The following SYNE3 variants were observed in gnomAD, a reference collection of about 807,000 sequenced individuals.
The protein encoded by SYNE3 is nesprin-3.
SYNE3 carries 100 observed loss-of-function variants against 111.2 expected under a neutral mutation model. That is an observed-to-expected ratio of 0.90 (90% CI 0.77 to 1.06). SYNE3 has a LOEUF of 1.06. Ranked by LOEUF, SYNE3 falls within the 50% of genes least tolerant of loss-of-function variation. The probability of loss-of-function intolerance (pLI) is 0.00; values close to 1 mark genes in which losing one functional copy is unlikely to be tolerated. For missense variants in SYNE3, 1,160 were observed against 1,240.3 expected (o/e 0.94, Z 0.97); for synonymous variants, 547 against 533.9 (o/e 1.02, Z -0.34).
intron 16 of SYNE3, 92 bp from the exon 17 acceptor site, chr14:95,432,209 C>A (rs749107488): frequency 4.1e-6 from 6 of 1,452,398 alleles, no homozygotes; most frequent in South Asian, 1.2e-5. Flanking sequence ...ATGGAATATT[C>A]GTTTTGTCAG....
At chr14:95,489,641 A>C (rs1156670729) in intron 1 of SYNE3, among the ~76,000 whole-genome samples, 1 of 152,236 alleles carries the variant, frequency 6.6e-6, no homozygotes, top group East Asian at 1.9e-4. Context: ...TTTTAGAGAC[A>C]GGGTCTTGCT....
At chr14:95,443,096 TG>T in intron 11 of SYNE3, 58 bp downstream of exon 11, 2 of 1,602,158 alleles carry the variant, frequency 1.2e-6, no homozygotes, top group Non-Finnish European at 1.7e-6. Context: ...GCCCCAGGCG[TG>T]TTGGATGACA....
chr14:95,418,010 C>A lies in SYNE3; in HGVS notation c.2744G>T (p.Gly915Val). 6.2e-7 allele frequency: 1 copy of A among 1,610,574 alleles called. No individual in the cohort carries two copies. Among genetic ancestry groups the A allele is most frequent in the Non-Finnish European group, 8.5e-7 (1 of 1,179,754 alleles). Residue 915 changes from glycine to valine, a missense_variant, in exon 18 of 18, where the codon GGA (glycine) becomes GTA (valine). Gly to Val is a moderately radical substitution (Grantham distance 109). Coordinates refer to ENST00000682763, the MANE Select transcript of SYNE3 (RefSeq NM_152592.6). Reference sequence around the variant, plus strand: ...CGCCCTCCGGAAGAGGGAGCCCAGTCCTCGCCACCGCCGAGTCTGCGGAAC... The same window carrying A: ...CGCCCTCCGGAAGAGGGAGCCCAGTACTCGCCACCGCCGAGTCTGCGGAAC... The part of the protein sequence containing the change: ...TGFQKTRRWR[G>V]LGSLFRRACC...
rs140376969 is a variant in SYNE3 at position 95,446,017 on chromosome 14, G to A, written c.1524C>T (p.Gly508=). Residue 508 remains glycine (G), a synonymous_variant, in exon 9 of 18, where the codon GGC becomes GGT. Transcript: ENST00000682763. ...MLQLKKDLLI[G]IFGQERATAL... is the part of the protein sequence containing the mutation. Reference sequence around the variant, plus strand: ...CCGTGGCTCTCTCCTGGCCAAAGATGCCAATCAGGAGGTCTTTCTTCAGCT... The same window carrying A: ...CCGTGGCTCTCTCCTGGCCAAAGATACCAATCAGGAGGTCTTTCTTCAGCT... 2.4e-4 allele frequency: 389 copies of A among 1,614,044 alleles called. No individual in the cohort carries two copies. The highest frequency in any genetic ancestry group is 8.7e-4 in the Admixed American group (52 of 60,008).
intron 17 of SYNE3, among the ~76,000 whole-genome samples, chr14:95,426,348 AG>A (rs1381717605): frequency 6.6e-6 from 1 of 152,168 alleles, no homozygotes; most frequent in Non-Finnish European, 1.5e-5. Context: ...AGTTGTGACC[AG>A]GGAAGAAGCA....
intron 8 of SYNE3, among the ~76,000 whole-genome samples, chr14:95,447,730 A>G (rs190717639): frequency 2.6e-4 from 40 of 152,244 alleles, no homozygotes; most frequent in African/African-American, 9.1e-4. Flanking sequence ...CAGACACAAT[A>G]TCATGGGAGT....
intron 4 of SYNE3, among the ~76,000 whole-genome samples, chr14:95,463,400 C>G (rs1031302391): frequency 6.6e-6 from 1 of 152,172 alleles, no homozygotes; most frequent in African/African-American, 2.4e-5. Context: ...CAGCATCCAC[C>G]CTCACGTACA....
Position 95,439,605 on chromosome 14 carries a change from C to T in SYNE3, c.2246+7G>A, listed in dbSNP as rs200017372. 1.4e-5 allele frequency: 23 copies of T among 1,606,938 alleles called. No homozygotes were observed. The highest frequency in any genetic ancestry group is 5.0e-5 in the Admixed American group (3 of 60,010). On this transcript the variant is annotated splice_region_variant and intron_variant, in intron 13 of 17. Coordinates refer to ENST00000682763, the MANE Select transcript of SYNE3 (RefSeq NM_152592.6). Reference sequence around the variant, plus strand: ...GACAACGCTCAGAGCCTAGGAGGCACTCTCACCTCAGCAGACTTTCTTCCA... The same window carrying T: ...GACAACGCTCAGAGCCTAGGAGGCATTCTCACCTCAGCAGACTTTCTTCCA...
chr14:95,419,981 G>A (rs906938567), intron 17 of SYNE3, among the ~76,000 whole-genome samples: 12 of 147,450 alleles, frequency 8.1e-5, no homozygotes, highest in African/African-American at 3.0e-4. Context: ...TTCTAACCTG[G>A]GCAGTTCTGT....
rs1034764776 is a variant in SYNE3, at chr14:95,416,627, T to G, written c.*1199A>C. 51 of 152,252 alleles carry G rather than the reference T, an allele frequency of 3.3e-4. No individual in the cohort carries two copies. The highest frequency in any genetic ancestry group is 1.2e-3 in the African/African-American group (50 of 41,452). The allele number at this position is 152,252 out of a possible 1,614,324, so 9.4% of individuals were successfully genotyped here. On this transcript the variant is annotated 3_prime_UTR_variant, in exon 18 of 18. Coordinates refer to ENST00000682763, the MANE Select transcript of SYNE3 (RefSeq NM_152592.6). The stretch of plus-strand genomic sequence containing the variant: ...CGCCTACACCTGGCTGGAGAGGGCC[T>G]GGTTTTGGGTGGCCTGGGCCCTAGT...
chr14:95,464,235 C>G (rs1027923170), intron 4 of SYNE3, among the ~76,000 whole-genome samples: 3 of 152,220 alleles, frequency 2.0e-5, no homozygotes, highest in Non-Finnish European at 4.4e-5. Context: ...CCACGTCACA[C>G]CAAGGGAAGG....
intron 2 of SYNE3, among the ~76,000 whole-genome samples, chr14:95,472,026 T>C (rs1393469515): frequency 6.6e-6 from 1 of 152,048 alleles, no homozygotes; most frequent in Non-Finnish European, 1.5e-5. Flanking sequence ...CGCAGACGAC[T>C]GCAAAAAGGG....
chr14:95,467,926 G>A lies in SYNE3; in HGVS notation c.186C>T (p.Asp62=). The change falls in exon 3 of 18, where the codon GAC becomes GAT. Residue 62 remains aspartate, a synonymous_variant. Transcript: ENST00000682763. The stretch of plus-strand genomic sequence containing the variant: ...GGGCTTCAGCCATCCGTAGCACGAG[G>A]TCCACCCTCACACGCCCCTCGGGCT... The part of the protein sequence containing the change: ...QLEPEGRVRV[D]LVLRMAEALL... 1.2e-6 allele frequency: 2 copies of A among 1,614,022 alleles called. No individual in the cohort carries two copies. The highest frequency in any genetic ancestry group is 1.7e-6 in the Non-Finnish European group (2 of 1,179,926).
At chr14:95,488,444 T>C (rs1004516322) in intron 1 of SYNE3, among the ~76,000 whole-genome samples, 1 of 152,214 alleles carries the variant, frequency 6.6e-6, no homozygotes, top group African/African-American at 2.4e-5. Flanking sequence ...AAAGCTGTGA[T>C]GAATACTTGT....
intron 10 of SYNE3, chr14:95,444,268 C>G: frequency 1.9e-6 from 1 of 535,830 alleles, no homozygotes; most frequent in Non-Finnish European, 3.1e-6. Flanking sequence ...GACAGTTTGT[C>G]ATTTTGCTGA....
chr14:95,463,534 G>A (rs889189819), intron 4 of SYNE3, among the ~76,000 whole-genome samples: 1 of 152,254 alleles, frequency 6.6e-6, no homozygotes, highest in Non-Finnish European at 1.5e-5. Context: ...CCTGTTTCCT[G>A]TAAAGCCACA....
At position 95,455,530 on chromosome 14, in the gene SYNE3, C is replaced by G. The variant is rs1360541303; in HGVS notation, c.984G>C (p.Arg328=). Residue 328 remains arginine, a synonymous_variant, in exon 6 of 18, where the codon CGG becomes CGC. Coordinates refer to ENST00000682763, the MANE Select transcript of SYNE3 (RefSeq NM_152592.6). ...EEEERLRGLL[R]SRGAWEQQIK... ...TCTGCTGCTCCCAGGCTCCCCTGGA[C>G]CGGAGCAGGCCCCGCAGCCGCTCCT... 3 of 1,613,912 alleles carry G rather than the reference C, an allele frequency of 1.9e-6. No homozygotes were observed. Among genetic ancestry groups the G allele is most frequent in the East Asian group, 2.2e-5 (1 of 44,882 alleles).
At chr14:95,507,034 G>T (rs1161254843) in intron 1 of SYNE3, among the ~76,000 whole-genome samples, 3 of 152,176 alleles carry the variant, frequency 2.0e-5, no homozygotes, top group Non-Finnish European at 4.4e-5. Context: ...GGGGTGGTCC[G>T]CAGTTCACAA....
chr14:95,462,170 T>C (rs1330667111), intron 4 of SYNE3, among the ~76,000 whole-genome samples: 1 of 152,090 alleles, frequency 6.6e-6, no homozygotes, highest in East Asian at 1.9e-4. Context: ...ACTCATACCT[T>C]CTGAATACAA....
Sources: allele counts gnomAD v4.1 joint callset (sites outside exome capture counted in the v4.1 genomes callset), GRCh38; gene constraint gnomAD v4.1.1; transcripts MANE v1.5; gene names NCBI Gene and HGNC (gene_info 2026-07-23, HGNC 2026-07-21).